IRAK2: variants seen among roughly 807,000 people sequenced by gnomAD.
The protein encoded by IRAK2 is interleukin 1 receptor associated kinase 2, also known as interleukin-1 receptor-associated kinase-like 2.
A neutral mutation model predicts 72.0 loss-of-function variants in IRAK2; 57 were observed. The ratio of observed to expected loss-of-function variants is 0.79; its 90% CI spans 0.64 to 0.99. The LOEUF is 0.99. Among genes scored for constraint, IRAK2 ranks in the 50% least tolerant of loss-of-function variants. IRAK2 has a pLI of 0.00. For missense variants in IRAK2, 790 were observed against 794.4 expected, an observed-to-expected ratio of 0.99 and a Z score of 0.07; for synonymous variants, 293 against 312.7, an observed-to-expected ratio of 0.94 and a Z score of 0.67.
chr3:10,201,805 T>C (rs1451192933), intron 3 of IRAK2, among the ~76,000 whole-genome samples: 1 of 152,192 alleles, frequency 6.6e-6, no homozygotes, highest in Non-Finnish European at 1.5e-5. Flanking sequence ...CCCAAATCCA[T>C]GTAATCTCAG....
At chr3:10,216,895 C>A in intron 6 of IRAK2, 39 bp from the exon 7 acceptor site, 2 of 1,465,072 alleles carry the variant, frequency 1.4e-6, no homozygotes, top group Non-Finnish European at 1.9e-6. Context: ...TCATTCTTTC[C>A]GTCTGACTCC....
chr3:10,204,298 C>A (rs1167596079), intron 3 of IRAK2, among the ~76,000 whole-genome samples: 3 of 152,250 alleles, frequency 2.0e-5, no homozygotes, highest in East Asian at 3.9e-4. Flanking sequence ...AGCGCTTGAG[C>A]CAAATTCTGT....
chr3:10,195,019 T>A (rs1351902644), intron 2 of IRAK2, among the ~76,000 whole-genome samples: 1 of 152,154 alleles, frequency 6.6e-6, no homozygotes, highest in Non-Finnish European at 1.5e-5. Context: ...TGTTCCTCAC[T>A]CCTGCTCACT....
In IRAK2 at chr3:10,213,241, T is replaced by G. The variant is rs749983267; in HGVS notation, c.563T>G (p.Leu188Arg). ...ACCTCCATTCCTAAGCAGGAAAAAC[T>G]TTTGAGCTTGGCTGGAGACAGCCTT... ...FSTSIPKQEK[L>R]LSLAGDSLFW... The change falls in exon 5 of 13, where the codon CTT (leucine) becomes CGT (arginine). Residue 188 changes from leucine to arginine, a missense_variant. Leu to Arg is a moderately radical substitution (Grantham distance 102, BLOSUM62 -2). Transcript: ENST00000256458. The G allele has an allele frequency of 5.6e-6, 9 of 1,614,124 alleles. No homozygotes were observed. The South Asian group carries it at 9.9e-5, about 18-fold the overall frequency.
chr3:10,231,310 G>T (rs919733046), intron 10 of IRAK2, among the ~76,000 whole-genome samples: 1 of 150,876 alleles, frequency 6.6e-6, no homozygotes, highest in Non-Finnish European at 1.5e-5. Context: ...ATTTTTTTTT[G>T]AAATGGAGTC....
intron 3 of IRAK2, among the ~76,000 whole-genome samples, chr3:10,202,689 C>CTTTTTTTTTTTTT (rs374939802): frequency 1.0e-5 from 1 of 98,068 alleles, no homozygotes; most frequent in African/African-American, 4.0e-5. Flanking sequence ...ACTTTCTTTC[C>CTTTTTTTTTTTTT]TTTTTTTTTT....
Position 10,235,225 on chromosome 3 carries a change from C to T in IRAK2, c.1473+566C>T, listed in dbSNP as rs542149984. Reference sequence around the variant, plus strand: ...CGGACGTCCTAGAAAGCAGCCACTACACGGGGTAAGAGATTTTTTTGGACA... The same window carrying T: ...CGGACGTCCTAGAAAGCAGCCACTATACGGGGTAAGAGATTTTTTTGGACA... On this transcript the variant is annotated intron_variant, in intron 11 of 12. Coordinates refer to ENST00000256458, the MANE Select transcript of IRAK2 (RefSeq NM_001570.4). Among the ~76,000 whole-genome samples, 7 of 152,150 alleles carry T rather than the reference C, an allele frequency of 4.6e-5. No individual in the cohort carries two copies. The South Asian group carries it at 1.4e-3, about 31-fold the overall frequency.
At chr3:10,178,680 A>G (rs1696916276) in intron 2 of IRAK2, among the ~76,000 whole-genome samples, 1 of 152,220 alleles carries the variant, frequency 6.6e-6, no homozygotes, top group Non-Finnish European at 1.5e-5. Context: ...AGCAAAAATG[A>G]TTCATATTGC....
intron 8 of IRAK2, among the ~76,000 whole-genome samples, chr3:10,220,637 C>G (rs926690258): frequency 2.0e-5 from 3 of 152,050 alleles, no homozygotes; most frequent in Non-Finnish European, 2.9e-5. Context: ...GATAGGCTTT[C>G]ACCATGTTGG....
chr3:10,166,038 C>T (rs1040520588), intron 1 of IRAK2, among the ~76,000 whole-genome samples: 5 of 151,844 alleles, frequency 3.3e-5, no homozygotes, highest in Admixed American at 2.0e-4. Flanking sequence ...CTCCGGAACT[C>T]TTGATCTCAG....
chr3:10,176,479 A>G (rs1250921267), intron 1 of IRAK2, among the ~76,000 whole-genome samples: 1 of 149,626 alleles, frequency 6.7e-6, no homozygotes, highest in Non-Finnish European at 1.5e-5. Flanking sequence ...TTGTTTATTT[A>G]TTTATTTATT....
intron 10 of IRAK2, among the ~76,000 whole-genome samples, chr3:10,230,731 G>T (rs995981478): frequency 4.0e-5 from 6 of 151,860 alleles, no homozygotes; most frequent in Non-Finnish European, 7.4e-5. Context: ...GCCACTCCTA[G>T]CTAATTTTTA....
chr3:10,213,485 C>G lies in IRAK2; in HGVS notation c.725C>G (p.Thr242Arg), dbSNP rs142327775. ...ATGTTCTGATGTCTTTCTCTACAGA[C>G]AGCCTGTTCAAGTCCAGGATCAATC... ...KPFVFKKLRE[T>R]ACSSPGSIER... Residue 242 changes from threonine to arginine, a missense_variant and splice_region_variant, in exon 6 of 13, where the codon ACA (threonine) becomes AGA (arginine). Physicochemically the swap from Thr to Arg is moderately conservative, Grantham distance 71. Coordinates refer to ENST00000256458, the MANE Select transcript of IRAK2 (RefSeq NM_001570.4). The G allele has an allele frequency of 2.6e-4, 414 of 1,613,846 alleles. No homozygotes were observed. Among genetic ancestry groups the G allele is most frequent in the Non-Finnish European group, 3.3e-4 (385 of 1,179,864 alleles).
intron 3 of IRAK2, among the ~76,000 whole-genome samples, chr3:10,204,739 ACT>A (rs1382574306): frequency 6.6e-6 from 1 of 152,060 alleles, no homozygotes; most frequent in African/African-American, 2.4e-5. Context: ...ACAGAGAAAG[ACT>A]CTGTTTCAAA....
chr3:10,220,378 G>A (rs1434718708), intron 8 of IRAK2, among the ~76,000 whole-genome samples: 2 of 152,178 alleles, frequency 1.3e-5, no homozygotes, highest in Non-Finnish European at 2.9e-5. Context: ...CACAGAACTC[G>A]TATTTCCCCA....
chr3:10,209,018 T>C (rs1407368893), intron 3 of IRAK2, among the ~76,000 whole-genome samples: 1 of 152,090 alleles, frequency 6.6e-6, no homozygotes, highest in Non-Finnish European at 1.5e-5. Flanking sequence ...CCATATCTGC[T>C]TGTTGAAAAC....
At chr3:10,195,752 C>T (rs1199409103) in intron 2 of IRAK2, among the ~76,000 whole-genome samples, 2 of 152,128 alleles carry the variant, frequency 1.3e-5, no homozygotes, top group Non-Finnish European at 2.9e-5. Context: ...CGGGCCTGGC[C>T]TCTGCAGGAG....
chr3:10,242,382 G>GA lies in IRAK2; in HGVS notation c.*155dup. The GA allele has an allele frequency of 2.1e-6, 1 of 477,156 alleles. No individual in the cohort carries two copies. The highest frequency in any genetic ancestry group is 3.7e-6 in the Non-Finnish European group (1 of 268,448). 29.6% of individuals were successfully genotyped at this position (477,156 alleles called of 1,614,324 possible). On this transcript the variant is annotated 3_prime_UTR_variant, in exon 13 of 13. Transcript: ENST00000256458. The stretch of plus-strand genomic sequence containing the variant: ...GAGGGAAACTTCATTTCACTGGAAT[G>GA]AGTTGGGAGAGAAAGGCCCTCAGCT...
At chr3:10,179,275 G>GT (rs58462207) in intron 2 of IRAK2, among the ~76,000 whole-genome samples, 3,553 of 136,604 alleles carry the variant, frequency 0.026, 90 homozygotes, top group African/African-American at 0.059. Flanking sequence ...TTTTTCAGTT[G>GT]TTTTTTTTTT....
Sources: gnomAD v4.1 joint callset for allele counts (sites outside exome capture counted in the v4.1 genomes callset) on GRCh38, gnomAD v4.1.1 for gene constraint, MANE v1.5 for transcripts, NCBI Gene and HGNC (gene_info 2026-07-23, HGNC 2026-07-21) for gene names.